The following EYS variants were observed in gnomAD, a reference collection of about 807,000 sequenced individuals.
EYS encodes EGF-like photoreceptor maintenance factor, also known as protein eyes shut homolog.
EYS carries 250 observed loss-of-function variants against 282.1 expected under a neutral mutation model. The observed-to-expected ratio is 0.89, with a 90% CI of 0.80 to 0.98. The LOEUF (loss-of-function observed/expected upper bound fraction) is 0.98. Ranked by LOEUF, EYS falls within the 50% of genes least tolerant of loss-of-function variation. EYS has a pLI of 0.00. For synonymous variants in EYS, 1,355 were observed against 1,282.9 expected (o/e 1.06, Z -1.20); for missense variants, 4,016 against 3,709.0 (o/e 1.08, Z -2.15).
intron 31 of EYS, among the ~76,000 whole-genome samples, chr6:64,215,700 A>G (rs1018876942): frequency 6.6e-5 from 10 of 152,118 alleles, no homozygotes; most frequent in Non-Finnish European, 5.9e-5. Context: ...TTTTTTCTAT[A>G]TCCCAGATGC....
chr6:64,446,888 T>C (rs1268024745), intron 26 of EYS, among the ~76,000 whole-genome samples: 2 of 151,708 alleles, frequency 1.3e-5, no homozygotes, highest in Admixed American at 6.6e-5. Context: ...TGTTAGGAAA[T>C]ATTTTGCAAC....
At chr6:64,644,619 C>T (rs774893408) in intron 22 of EYS, among the ~76,000 whole-genome samples, 6 of 151,958 alleles carry the variant, frequency 3.9e-5, no homozygotes, top group South Asian at 2.1e-4. Context: ...ACACTAATAT[C>T]CAGAGAAGTA....
intron 11 of EYS, among the ~76,000 whole-genome samples, chr6:65,322,616 G>A (rs1769505075): frequency 6.6e-6 from 1 of 151,970 alleles, no homozygotes. Flanking sequence ...CCAACATGGT[G>A]AAATCCCGTC....
chr6:63,926,429 C>T (rs1764717449), intron 35 of EYS, among the ~76,000 whole-genome samples: 1 of 152,200 alleles, frequency 6.6e-6, no homozygotes, highest in Admixed American at 6.5e-5. Context: ...ATTAATACCA[C>T]TTGGGACTTT....
At chr6:65,332,839 T>C (rs1188097656) in intron 11 of EYS, among the ~76,000 whole-genome samples, 1 of 151,450 alleles carries the variant, frequency 6.6e-6, no homozygotes, top group African/African-American at 2.4e-5. Flanking sequence ...AGGTTAGATT[T>C]CCTACTTCTT....
chr6:64,710,946 G>A (rs761232912), intron 22 of EYS, among the ~76,000 whole-genome samples: 10 of 152,194 alleles, frequency 6.6e-5, no homozygotes, highest in South Asian at 2.1e-4. Flanking sequence ...CTGCCACCTC[G>A]AATAAACCTG....
At chr6:65,574,302 A>G (rs1216833528) in intron 2 of EYS, among the ~76,000 whole-genome samples, 2 of 152,146 alleles carry the variant, frequency 1.3e-5, no homozygotes, top group Non-Finnish European at 2.9e-5. Context: ...CGGTCCAAAC[A>G]AGACTACACA....
In EYS at chr6:65,513,038, G is replaced by T. The variant is rs1307921166; in HGVS notation, c.-332-17045C>A. Among the ~76,000 whole-genome samples, 7 of 152,102 alleles carry T rather than the reference G, an allele frequency of 4.6e-5. No homozygotes were observed. The South Asian group carries it at 1.2e-3, about 27-fold the overall frequency. ...AAAGGATCAACAAAATTGATAGACC[G>T]CTAGCAAGACTAATAAAGAAGAAAA... On this transcript the variant is annotated intron_variant, in intron 2 of 42. Coordinates refer to ENST00000503581, the MANE Select transcript of EYS (RefSeq NM_001142800.2).
Position 65,405,159 on chromosome 6 carries a change from T to C in EYS, c.1056+15A>G. The C allele has an allele frequency of 1.9e-6, 3 of 1,594,532 alleles. No individual in the cohort carries two copies. The highest frequency in any genetic ancestry group is 2.6e-6 in the Non-Finnish European group (3 of 1,162,798). On this transcript the variant is annotated intron_variant, in intron 6 of 42. Coordinates refer to ENST00000503581, the MANE Select transcript of EYS (RefSeq NM_001142800.2). Reference sequence around the variant, plus strand: ...AATTTAAAACCACTCACTTATATGTTAGATTGAGACTTACATTTGATATTT... The same window carrying C: ...AATTTAAAACCACTCACTTATATGTCAGATTGAGACTTACATTTGATATTT...
intron 12 of EYS, among the ~76,000 whole-genome samples, chr6:65,091,761 G>A (rs930126489): frequency 3.3e-5 from 5 of 152,024 alleles, no homozygotes; most frequent in Admixed American, 6.6e-5. Context: ...GAGCAGAGGC[G>A]CACAACCCCA....
chr6:64,275,113 G>T (rs1768066422), intron 30 of EYS, among the ~76,000 whole-genome samples: 1 of 152,122 alleles, frequency 6.6e-6, no homozygotes, highest in African/African-American at 2.4e-5. Flanking sequence ...ACTCTCTGTT[G>T]ATTTCACTCA....
intron 33 of EYS, among the ~76,000 whole-genome samples, chr6:64,050,346 T>A (rs1770766598): frequency 6.6e-6 from 1 of 152,200 alleles, no homozygotes; most frequent in African/African-American, 2.4e-5. Flanking sequence ...ACTATATACT[T>A]GTTTACTTGT....
chr6:63,856,227 G>A (rs1201680649), intron 36 of EYS, among the ~76,000 whole-genome samples: 1 of 151,116 alleles, frequency 6.6e-6, no homozygotes, highest in African/African-American at 2.5e-5. Flanking sequence ...TCTCTGGTGA[G>A]CTTGAGAATA....
intron 12 of EYS, among the ~76,000 whole-genome samples, chr6:65,161,428 T>G (rs1377131670): frequency 6.6e-6 from 1 of 151,068 alleles, no homozygotes; most frequent in Non-Finnish European, 1.5e-5. Flanking sequence ...CCTGAATTTA[T>G]TGCAAAATTA....
At chr6:65,166,499 A>G (rs1390370957) in intron 12 of EYS, among the ~76,000 whole-genome samples, 1 of 151,178 alleles carries the variant, frequency 6.6e-6, no homozygotes, top group East Asian at 2.0e-4. Context: ...TCCTTTTGGT[A>G]TTATTTTGTT....
intron 41 of EYS, among the ~76,000 whole-genome samples, chr6:63,758,399 A>C (rs1402397577): frequency 1.3e-5 from 2 of 152,164 alleles, no homozygotes; most frequent in African/African-American, 4.8e-5. Context: ...AAAATGATAA[A>C]AATATCTATG....
chr6:64,230,486 G>T, intron 31 of EYS, 106 bp downstream of exon 31: 2 of 598,562 alleles, frequency 3.3e-6, no homozygotes, highest in East Asian at 2.9e-5. Flanking sequence ...GCTGTTTCTT[G>T]TTTGTGCTAG....
At chr6:64,235,949 G>T (rs1054741412) in intron 30 of EYS, among the ~76,000 whole-genome samples, 5 of 152,196 alleles carry the variant, frequency 3.3e-5, no homozygotes, top group Non-Finnish European at 5.9e-5. Context: ...TAGGAAAAGA[G>T]GGAATCCTCC....
intron 11 of EYS, among the ~76,000 whole-genome samples, chr6:65,319,221 A>AG (rs1307161061): frequency 6.8e-6 from 1 of 147,602 alleles, no homozygotes; most frequent in African/African-American, 2.5e-5. Context: ...AAAAAAAAAA[A>AG]AAAAAACAAT....
Sources: gnomAD v4.1 joint callset for allele counts (sites outside exome capture counted in the v4.1 genomes callset) on GRCh38, gnomAD v4.1.1 for gene constraint, MANE v1.5 for transcripts, NCBI Gene and HGNC (gene_info 2026-07-23, HGNC 2026-07-21) for gene names.